Variants in GRIN2A observed in about 807,000 individuals in gnomAD.
GRIN2A encodes glutamate receptor ionotropic, NMDA 2A.
Under a neutral mutation model 113.4 loss-of-function variants are expected in GRIN2A, and 22 were observed. That is an observed-to-expected ratio of 0.19 (90% CI 0.14 to 0.28). The LOEUF (loss-of-function observed/expected upper bound fraction) is 0.28, where lower values mean the gene tolerates loss of function less well. Ranked by LOEUF, GRIN2A falls within the 10% of genes least tolerant of loss-of-function variation. The probability of loss-of-function intolerance (pLI) is 1.00; values close to 1 mark genes in which losing one functional copy is unlikely to be tolerated. For missense variants in GRIN2A, 1,502 were observed against 1,887.0 expected, an observed-to-expected ratio of 0.80 and a Z score of 3.78; for synonymous variants, 827 against 738.4, an observed-to-expected ratio of 1.12 and a Z score of -1.94.
At chr16:9,846,556 T>C (rs2042775876) in intron 5 of GRIN2A, among the ~76,000 whole-genome samples, 1 of 152,214 alleles carries the variant, frequency 6.6e-6, no homozygotes. Flanking sequence ...TTCCTAGTCA[T>C]GAAACAAACA....
chr16:9,815,653 T>C (rs907103349), intron 10 of GRIN2A, among the ~76,000 whole-genome samples: 2 of 152,124 alleles, frequency 1.3e-5, no homozygotes, highest in East Asian at 1.9e-4. Context: ...TGTGGAGAAA[T>C]TGGAACCCTT....
intron 2 of GRIN2A, among the ~76,000 whole-genome samples, chr16:9,993,872 G>C (rs2046173513): frequency 6.6e-6 from 1 of 152,198 alleles, no homozygotes; most frequent in South Asian, 2.1e-4. Flanking sequence ...GTGGGGAAAA[G>C]GATGCATTCT....
chr16:9,920,566 A>T (rs1232649344), intron 3 of GRIN2A, among the ~76,000 whole-genome samples: 2 of 144,436 alleles, frequency 1.4e-5, no homozygotes, highest in African/African-American at 5.1e-5. Context: ...TGTGAATTGA[A>T]TTTTTTTTTT....
chr16:9,997,436 T>C (rs1242252047), intron 2 of GRIN2A, among the ~76,000 whole-genome samples: 2 of 152,222 alleles, frequency 1.3e-5, no homozygotes, highest in Non-Finnish European at 2.9e-5. Flanking sequence ...CTTCTGTTTT[T>C]CCTTTCTTTT....
intron 3 of GRIN2A, among the ~76,000 whole-genome samples, chr16:9,934,824 G>A (rs759795763): frequency 1.7e-4 from 26 of 151,754 alleles, no homozygotes; most frequent in Non-Finnish European, 2.5e-4. Flanking sequence ...GTCAGGGACC[G>A]TGGGAGAGTG....
At chr16:9,926,027 T>C (rs4782042) in intron 3 of GRIN2A, among the ~76,000 whole-genome samples, 3,952 of 152,294 alleles carry the variant, frequency 0.026, 441 homozygotes, top group Admixed American at 0.19. Context: ...GCCATTCACT[T>C]GACAAATGTC....
chr16:9,754,786 G>GAA lies in GRIN2A; in HGVS notation c.*8361_*8362dup. The stretch of plus-strand genomic sequence containing the variant: ...CAAAAGGCTATGATTGTTTTTCATG[G>GAA]AAAAAAAAAGACAATGTTTTCGTAT... On this transcript the variant is annotated 3_prime_UTR_variant, in exon 13 of 13. Coordinates refer to ENST00000330684, the MANE Select transcript of GRIN2A (RefSeq NM_001134407.3). 4.6e-6 allele frequency: 1 copy of GAA among 217,574 alleles called. No homozygotes were observed. Among genetic ancestry groups the GAA allele is most frequent in the Non-Finnish European group, 9.2e-6 (1 of 108,640 alleles). 13.5% of individuals were successfully genotyped at this position (217,574 alleles called of 1,614,324 possible).
chr16:10,142,513 C>CA (rs1403312893), intron 2 of GRIN2A, among the ~76,000 whole-genome samples: 1 of 152,080 alleles, frequency 6.6e-6, no homozygotes, highest in Admixed American at 6.5e-5. Context: ...GGCAACACAG[C>CA]AAGACCCTGT....
At chr16:9,831,973 C>T (rs1356068372) in intron 8 of GRIN2A, among the ~76,000 whole-genome samples, 1 of 152,060 alleles carries the variant, frequency 6.6e-6, no homozygotes, top group African/African-American at 2.4e-5. Flanking sequence ...CTAGGCAGTG[C>T]AGTGGTGTGA....
intron 2 of GRIN2A, among the ~76,000 whole-genome samples, chr16:10,059,022 G>A (rs977526174): frequency 2.6e-5 from 4 of 152,152 alleles, no homozygotes; most frequent in Non-Finnish European, 5.9e-5. Flanking sequence ...AGCAGGATGG[G>A]GAATCATAAT....
intron 2 of GRIN2A, among the ~76,000 whole-genome samples, chr16:10,132,888 C>A (rs1392800645): frequency 1.3e-5 from 2 of 152,150 alleles, no homozygotes; most frequent in Non-Finnish European, 2.9e-5. Flanking sequence ...CTAAAATGGA[C>A]CAGCAGGCCT....
chr16:9,891,953 G>T (rs184610097), intron 3 of GRIN2A, among the ~76,000 whole-genome samples: 2 of 152,282 alleles, frequency 1.3e-5, no homozygotes, highest in Non-Finnish European at 1.5e-5. Flanking sequence ...GAAGGTGCAG[G>T]CATGGTGGCT....
At chr16:9,878,609 C>T (rs556129551) in intron 4 of GRIN2A, among the ~76,000 whole-genome samples, 2 of 152,284 alleles carry the variant, frequency 1.3e-5, no homozygotes, top group Non-Finnish European at 2.9e-5. Context: ...AAGAACATCA[C>T]CGTCATCACC....
intron 3 of GRIN2A, among the ~76,000 whole-genome samples, chr16:9,932,388 T>G (rs548220021): frequency 6.6e-6 from 1 of 152,192 alleles, no homozygotes; most frequent in African/African-American, 2.4e-5. Context: ...ATTTTATTTT[T>G]TTTGAGAGAC....
chr16:10,098,991 C>G (rs1229169301), intron 2 of GRIN2A, among the ~76,000 whole-genome samples: 1 of 131,784 alleles, frequency 7.6e-6, no homozygotes, highest in African/African-American at 3.0e-5. Flanking sequence ...ATAAATAAAA[C>G]TAGTATTGAT....
At position 9,763,932 on chromosome 16, in the gene GRIN2A, G is replaced by T. The variant is rs796052558; in HGVS notation, c.3612C>A (p.Ser1204Arg). 1.2e-6 allele frequency: 2 copies of T among 1,613,972 alleles called. No individual in the cohort carries two copies. Among genetic ancestry groups the T allele is most frequent in the African/African-American group, 1.3e-5 (1 of 74,916 alleles). Residue 1204 changes from serine (S) to arginine (R), a missense_variant, in exon 13 of 13, where the codon AGC becomes AGA. By Grantham distance (110) the Ser-to-Arg change is moderately radical. This residue lies in a region of GRIN2A where 832 missense variants were observed against 789.7 expected (regional missense o/e 1.05). Transcript: ENST00000330684. The part of the protein sequence containing the change: ...KDKGSPHSET[S>R]ERYRQNSTHC... ...GCGTGGAGTTCTGCCGGTATCGCTC[G>T]CTGGTCTCACTGTGCGGGGAACCCT...
intron 2 of GRIN2A, among the ~76,000 whole-genome samples, chr16:10,172,701 G>T (rs2050067470): frequency 1.3e-5 from 2 of 152,332 alleles, no homozygotes; most frequent in South Asian, 4.1e-4. Flanking sequence ...CCTTCTGACT[G>T]TTTCAAAGCA....
chr16:10,008,923 G>C (rs1217783257), intron 2 of GRIN2A, among the ~76,000 whole-genome samples: 2 of 152,198 alleles, frequency 1.3e-5, no homozygotes, highest in Admixed American at 1.3e-4. Flanking sequence ...ATATTTATTT[G>C]TTGGGTCTTT....
At position 9,799,797 on chromosome 16, in the gene GRIN2A, G is replaced by T. The variant is rs112572123; in HGVS notation, c.2169-1333C>A. Among the ~76,000 whole-genome samples, 189 of 152,030 alleles carry T rather than the reference G, an allele frequency of 1.2e-3. 1 individual carries two copies. Among genetic ancestry groups the T allele is most frequent in the African/African-American group, 4.3e-3 (177 of 41,452 alleles). On this transcript the variant is annotated intron_variant, in intron 10 of 12. Transcript: ENST00000330684. The stretch of plus-strand genomic sequence containing the variant: ...TTTTGATACACTTATTTTTATTGAG[G>T]TATAACGTATGTGTAATAAAATGCT...
Sources: allele counts gnomAD v4.1 joint callset (sites outside exome capture counted in the v4.1 genomes callset), GRCh38; gene constraint gnomAD v4.1.1; regional missense constraint gnomAD v4.1.1; transcripts MANE v1.5; gene names NCBI Gene and HGNC (gene_info 2026-07-23, HGNC 2026-07-21).